PHF24: variants seen among roughly 807,000 people sequenced by gnomAD.
PHF24 encodes the protein Galpha inhibitory interacting protein.
In PHF24, 25 loss-of-function variants were observed where a neutral mutation model predicts 42.6. That is an observed-to-expected ratio of 0.59 (90% CI 0.43 to 0.82). The LOEUF (loss-of-function observed/expected upper bound fraction) is 0.82. Among genes scored for constraint, PHF24 ranks in the 40% least tolerant of loss-of-function variants. The probability of loss-of-function intolerance (pLI) is 0.00; values close to 1 mark genes in which losing one functional copy is unlikely to be tolerated. For missense variants in PHF24, 470 were observed against 538.1 expected (o/e 0.87, Z 1.25); for synonymous variants, 185 against 204.8 (o/e 0.90, Z 0.83).
chr9:34,857,195 C>T, the PHF24 span, among the ~76,000 whole-genome samples: 1 of 152,232 alleles, frequency 6.6e-6, no homozygotes, highest in Non-Finnish European at 1.5e-5. Context: ...TGCCACTGGC[C>T]AGCTGGAATT....
the PHF24 span, chr9:34,724,195 A>G: frequency 3.9e-6 from 6 of 1,551,274 alleles, no homozygotes; most frequent in South Asian, 3.6e-5. Flanking sequence ...GTTTGTTCAC[A>G]TTGGCCTCTA....
chr9:34,785,043 T>C, the PHF24 span, among the ~76,000 whole-genome samples: 2 of 152,226 alleles, frequency 1.3e-5, no homozygotes, highest in Non-Finnish European at 2.9e-5. Context: ...CTTGCGTTCC[T>C]GTAACAAGAT....
the PHF24 span, among the ~76,000 whole-genome samples, chr9:34,820,915 TAATAG>T: frequency 2.6e-5 from 4 of 152,242 alleles, no homozygotes; most frequent in African/African-American, 9.6e-5. Flanking sequence ...GACTTTTTAA[TAATAG>T]CCATTCTGAC....
chr9:34,956,423 C>T (rs541939943), upstream of PHF24, among the ~76,000 whole-genome samples: 1 of 152,108 alleles, frequency 6.6e-6, no homozygotes, highest in East Asian at 1.9e-4. Context: ...CTGCACCTGG[C>T]TAATTGTTGT....
chr9:34,908,842 C>CTTTTTTTTTTTTT, the PHF24 span, among the ~76,000 whole-genome samples: 4 of 135,344 alleles, frequency 3.0e-5, no homozygotes, highest in Non-Finnish European at 4.7e-5. Flanking sequence ...CTTTTCTTTT[C>CTTTTTTTTTTTTT]TTTTTTTTTT....
At chr9:34,690,209 C>T in the PHF24 span, 1 of 1,614,124 alleles carries the variant, frequency 6.2e-7, no homozygotes, top group Non-Finnish European at 8.5e-7. Context: ...CCACAACTCA[C>T]ACTACAGCAG....
At chr9:34,971,810 C>A in intron 2 of PHF24, 134 bp downstream of exon 2, 2 of 1,031,310 alleles carry the variant, frequency 1.9e-6, no homozygotes, top group Non-Finnish European at 2.8e-6. Flanking sequence ...TGAATTTCTT[C>A]TGTAAGAATA....
the PHF24 span, among the ~76,000 whole-genome samples, chr9:34,719,229 G>A: frequency 1.3e-5 from 2 of 152,256 alleles, no homozygotes; most frequent in African/African-American, 4.8e-5. Flanking sequence ...ATAGAGACAG[G>A]GGTTTCACTA....
At chr9:34,848,869 G>A in the PHF24 span, among the ~76,000 whole-genome samples, 22 of 152,154 alleles carry the variant, frequency 1.4e-4, no homozygotes, top group African/African-American at 4.1e-4. Context: ...CCCAGTAGTC[G>A]TTCAGGAGCA....
At chr9:34,915,096 G>A in the PHF24 span, among the ~76,000 whole-genome samples, 254 of 122,356 alleles carry the variant, frequency 2.1e-3, 1 homozygote, top group African/African-American at 7.4e-3. Context: ...GCAGTGGCAC[G>A]ATCACAGCTC....
At chr9:34,897,684 T>TTA in the PHF24 span, among the ~76,000 whole-genome samples, 1 of 152,238 alleles carries the variant, frequency 6.6e-6, no homozygotes, top group African/African-American at 2.4e-5. Context: ...TTTAATTTTT[T>TTA]TATTTCCATA....
At chr9:34,710,052 CAG>C in the PHF24 span, 1 of 1,613,796 alleles carries the variant, frequency 6.2e-7, no homozygotes, top group African/African-American at 1.3e-5. Context: ...GGCTCAGAGC[CAG>C]TGACTGAGCC....
the PHF24 span, among the ~76,000 whole-genome samples, chr9:34,797,951 T>C: frequency 3.9e-5 from 6 of 152,182 alleles, no homozygotes; most frequent in Non-Finnish European, 5.9e-5. Flanking sequence ...CGTATCAGTA[T>C]GATATTGTAT....
chr9:34,769,028 T>A, the PHF24 span, among the ~76,000 whole-genome samples: 2 of 152,230 alleles, frequency 1.3e-5, no homozygotes, highest in Non-Finnish European at 2.9e-5. Flanking sequence ...GAAGGTCCCC[T>A]TTACAATAGC....
chr9:34,965,257 C>G (rs1215268309), intron 1 of PHF24, among the ~76,000 whole-genome samples: 1 of 152,190 alleles, frequency 6.6e-6, no homozygotes, highest in African/African-American at 2.4e-5. Context: ...AGTTTTGATC[C>G]TCTCCATTAA....
intron 1 of PHF24, among the ~76,000 whole-genome samples, chr9:34,970,721 T>C (rs772772693): frequency 2.6e-5 from 4 of 152,144 alleles, no homozygotes; most frequent in Non-Finnish European, 5.9e-5. Flanking sequence ...AAATTTGGAT[T>C]CTGAAGTCTC....
the PHF24 span, among the ~76,000 whole-genome samples, chr9:34,943,197 T>G: frequency 7.0e-3 from 1,067 of 152,242 alleles, 11 homozygotes; most frequent in African/African-American, 0.024. Flanking sequence ...GTTTTTTTGT[T>G]TGTTTGTTTG....
the PHF24 span, among the ~76,000 whole-genome samples, chr9:34,817,996 G>C: frequency 6.6e-6 from 1 of 151,822 alleles, no homozygotes; most frequent in Non-Finnish European, 1.5e-5. Context: ...TTTTCAAATT[G>C]TTCATTGATA....
At chr9:34,674,448 T>C in the PHF24 span, among the ~76,000 whole-genome samples, 1 of 152,272 alleles carries the variant, frequency 6.6e-6, no homozygotes, top group South Asian at 2.1e-4. Flanking sequence ...GTCCAGATAG[T>C]AAATATTTAA....
Sources: allele counts gnomAD v4.1 joint callset (sites outside exome capture counted in the v4.1 genomes callset), GRCh38; gene constraint gnomAD v4.1.1; transcripts MANE v1.5; gene names NCBI Gene and HGNC (gene_info 2026-07-23, HGNC 2026-07-21).